FSTL5: variants seen among roughly 807,000 people sequenced by gnomAD.
FSTL5 encodes the protein follistatin like 5.
Under a neutral mutation model 89.1 loss-of-function variants are expected in FSTL5, and 62 were observed. That is an observed-to-expected ratio of 0.70 (90% CI 0.57 to 0.86). The LOEUF is 0.86. Among genes scored for constraint, FSTL5 ranks in the 40% least tolerant of loss-of-function variants. The pLI, the probability that FSTL5 is intolerant of heterozygous loss-of-function variation, is 0.00. For synonymous variants in FSTL5, 383 were observed against 346.2 expected, an observed-to-expected ratio of 1.11 and a Z score of -1.18; for missense variants, 1,057 against 1,001.6, an observed-to-expected ratio of 1.06 and a Z score of -0.75.
intron 10 of FSTL5, among the ~76,000 whole-genome samples, chr4:161,512,649 G>T (rs754988835): frequency 5.9e-5 from 9 of 151,928 alleles, no homozygotes; most frequent in Admixed American, 2.0e-4. Context: ...TAAGGACAGA[G>T]ACATTTTTAA....
At chr4:162,029,496 T>A (rs1737434700) in intron 3 of FSTL5, among the ~76,000 whole-genome samples, 1 of 152,130 alleles carries the variant, frequency 6.6e-6, no homozygotes, top group South Asian at 2.1e-4. Context: ...GTAAAGGACT[T>A]TTAACATCAT....
Position 162,042,656 on chromosome 4 carries a change from T to C in FSTL5, c.127-8998A>G, listed in dbSNP as rs534442278. 4.2e-3 allele frequency among the ~76,000 whole-genome samples: 634 copies of C among 152,118 alleles called. 1 individual carries two copies. Among genetic ancestry groups the C allele is most frequent in the Non-Finnish European group, 7.5e-3 (509 of 67,992 alleles). ...AATATACTTTTAAAAAACCTATCCA[T>C]GGTACCCACACATATAGGCACTCCT... is the stretch of plus-strand genomic sequence containing the variant. On this transcript the variant is annotated intron_variant, in intron 2 of 15. Coordinates refer to ENST00000306100, the MANE Select transcript of FSTL5 (RefSeq NM_020116.5).
At chr4:161,428,692 G>A (rs1281341240) in intron 15 of FSTL5, among the ~76,000 whole-genome samples, 1 of 151,996 alleles carries the variant, frequency 6.6e-6, no homozygotes, top group African/African-American at 2.4e-5. Flanking sequence ...TGACTAAAGA[G>A]CCATTGAGTC....
chr4:161,958,328 C>T (rs541253932), intron 3 of FSTL5, among the ~76,000 whole-genome samples: 1 of 152,168 alleles, frequency 6.6e-6, no homozygotes, highest in South Asian at 2.1e-4. Flanking sequence ...ATTGTAACTA[C>T]TGATATTTCT....
rs779126999 is a variant in FSTL5, at chr4:161,500,080, A to G, written c.1394T>C (p.Ile465Thr). The change falls in exon 12 of 16, where the codon ATA becomes ACA. Residue 465 changes from isoleucine (I) to threonine (T), a missense_variant. Physicochemically the swap from Ile to Thr is moderately conservative, Grantham distance 89 (BLOSUM62 -1). Transcript: ENST00000306100. Reference sequence around the variant, plus strand: ...CTGAAATTCACATTCTATGGGTTGTATCACTTTGATTCCATCTTCATAAAA... The same window carrying G: ...CTGAAATTCACATTCTATGGGTTGTGTCACTTTGATTCCATCTTCATAAAA... ...YVFYEDGIKV[I>T]QPIECEFQRH... is the part of the protein sequence containing the mutation. The G allele has an allele frequency of 1.4e-5, 22 of 1,609,948 alleles. No individual in the cohort carries two copies. The highest frequency in any genetic ancestry group is 1.8e-5 in the Non-Finnish European group (21 of 1,177,640).
chr4:161,868,629 A>G (rs1270169550), intron 4 of FSTL5, among the ~76,000 whole-genome samples: 1 of 152,238 alleles, frequency 6.6e-6, no homozygotes, highest in Non-Finnish European at 1.5e-5. Flanking sequence ...CATTGACTGT[A>G]TATAGACCCA....
chr4:161,454,063 G>A (rs1014190752), intron 15 of FSTL5, among the ~76,000 whole-genome samples: 1 of 151,954 alleles, frequency 6.6e-6, no homozygotes, highest in African/African-American at 2.4e-5. Context: ...ATTAATCCCC[G>A]TTTTTATTTT....
intron 4 of FSTL5, among the ~76,000 whole-genome samples, chr4:161,917,204 C>T (rs1226758161): frequency 6.6e-6 from 1 of 152,156 alleles, no homozygotes; most frequent in Non-Finnish European, 1.5e-5. Flanking sequence ...GATCCACCCG[C>T]CTCGGCCTCC....
intron 6 of FSTL5, among the ~76,000 whole-genome samples, chr4:161,746,642 T>A (rs1236609231): frequency 6.6e-6 from 1 of 152,162 alleles, no homozygotes; most frequent in Admixed American, 6.5e-5. Context: ...CTATCTACAT[T>A]TCTTTCTGCT....
intron 15 of FSTL5, among the ~76,000 whole-genome samples, chr4:161,450,639 C>T (rs536851208): frequency 4.6e-5 from 7 of 151,748 alleles, no homozygotes; most frequent in South Asian, 2.1e-4. Context: ...AATAATGAAG[C>T]GTTGCTTTAT....
At chr4:161,409,942 G>A (rs561294569) in intron 15 of FSTL5, among the ~76,000 whole-genome samples, 54 of 152,186 alleles carry the variant, frequency 3.5e-4, no homozygotes, top group African/African-American at 1.2e-3. Context: ...AGAGTAGCAC[G>A]TTGCATAAAA....
At chr4:161,441,484 A>G (rs1047499487) in intron 15 of FSTL5, among the ~76,000 whole-genome samples, 1 of 152,100 alleles carries the variant, frequency 6.6e-6, no homozygotes, top group African/African-American at 2.4e-5. Flanking sequence ...TCACCAATTA[A>G]CAAACATTTC....
Position 161,843,934 on chromosome 4 carries a change from A to T in FSTL5, c.410-67860T>A, listed in dbSNP as rs1258985733. Among the ~76,000 whole-genome samples the T allele has an allele frequency of 2.0e-5, 3 of 152,172 alleles. No homozygotes were observed. The East Asian group carries it at 5.8e-4, about 29-fold the overall frequency. On this transcript the variant is annotated intron_variant, in intron 4 of 15. Transcript: ENST00000306100. ...CAAAAGCAATTACAACAAAAGACAA[A>T]ATTGACAAATGGAATCTAATTAAAC...
chr4:161,918,467 T>C (rs2110854967), intron 4 of FSTL5, among the ~76,000 whole-genome samples: 1 of 152,226 alleles, frequency 6.6e-6, no homozygotes, highest in Admixed American at 6.5e-5. Flanking sequence ...ATATGTTTGG[T>C]ATAAGCTCAA....
chr4:161,386,690 A>G (rs576668558), intron 15 of FSTL5: 1 of 455,734 alleles, frequency 2.2e-6, no homozygotes, highest in Non-Finnish European at 3.9e-6. Flanking sequence ...AATAATTAAA[A>G]GCAATACATC....
chr4:162,030,136 T>C (rs967423969), intron 3 of FSTL5, among the ~76,000 whole-genome samples: 11 of 152,068 alleles, frequency 7.2e-5, no homozygotes, highest in Non-Finnish European at 1.2e-4. Context: ...GGTCTTCTGG[T>C]CTTGAACTCC....
chr4:161,782,191 G>T (rs977067653), intron 4 of FSTL5, among the ~76,000 whole-genome samples: 2 of 152,290 alleles, frequency 1.3e-5, no homozygotes, highest in Non-Finnish European at 1.5e-5. Flanking sequence ...GGATAAAGCT[G>T]CTATAAACAT....
At chr4:161,484,658 T>C (rs1729618320) in intron 12 of FSTL5, among the ~76,000 whole-genome samples, 1 of 152,210 alleles carries the variant, frequency 6.6e-6, no homozygotes, top group African/African-American at 2.4e-5. Context: ...AAAAGATATA[T>C]TTTCAAGGTC....
chr4:161,990,551 C>G (rs778192087), intron 3 of FSTL5, among the ~76,000 whole-genome samples: 1 of 151,872 alleles, frequency 6.6e-6, no homozygotes, highest in Non-Finnish European at 1.5e-5. Context: ...ATAAACTCAA[C>G]GTTAACTTAT....
Sources: gnomAD v4.1 joint callset for allele counts (sites outside exome capture counted in the v4.1 genomes callset) on GRCh38, gnomAD v4.1.1 for gene constraint, MANE v1.5 for transcripts, NCBI Gene and HGNC (gene_info 2026-07-23, HGNC 2026-07-21) for gene names.